LAMA2: variants seen among roughly 807,000 people sequenced by gnomAD.
LAMA2 encodes the protein laminin subunit alpha-2.
Under a neutral mutation model 364.8 loss-of-function variants are expected in LAMA2, and 269 were observed. The ratio of observed to expected loss-of-function variants is 0.74; its 90% CI spans 0.67 to 0.82. The LOEUF is 0.82. LAMA2 is among the 40% of genes least tolerant of loss of function. LAMA2 has a pLI of 0.00. For missense variants in LAMA2, 3,807 were observed against 3,873.2 expected, an observed-to-expected ratio of 0.98 and a Z score of 0.45; for synonymous variants, 1,379 against 1,370.6, an observed-to-expected ratio of 1.01 and a Z score of -0.14.
chr6:129,154,072 T>C (rs1165125558), intron 7 of LAMA2, among the ~76,000 whole-genome samples: 1 of 152,184 alleles, frequency 6.6e-6, no homozygotes, highest in East Asian at 1.9e-4. Flanking sequence ...CCAGATACTT[T>C]CTGGATATGT....
chr6:129,502,207 C>A lies in LAMA2; in HGVS notation c.8245-452C>A, dbSNP rs539062953. Among the ~76,000 whole-genome samples, 176 of 152,136 alleles carry A rather than the reference C, an allele frequency of 1.2e-3. 1 individual carries two copies. Among genetic ancestry groups the A allele is most frequent in the African/African-American group, 4.0e-3 (167 of 41,500 alleles). ...AACCTTCTAGTGGACTGATAATTTT[C>A]AAGAAAAAGTAATATAGTGGGAGAT... On this transcript the variant is annotated intron_variant, in intron 58 of 64. Coordinates refer to ENST00000421865, the MANE Select transcript of LAMA2 (RefSeq NM_000426.4).
chr6:129,253,534 G>T (rs2114292583), intron 14 of LAMA2, among the ~76,000 whole-genome samples: 1 of 152,340 alleles, frequency 6.6e-6, no homozygotes, highest in Non-Finnish European at 1.5e-5. Flanking sequence ...TCTTCTAGAA[G>T]CTGGGTTAAA....
chr6:128,914,766 C>A (rs899347584), intron 1 of LAMA2, among the ~76,000 whole-genome samples: 1 of 152,006 alleles, frequency 6.6e-6, no homozygotes, highest in Non-Finnish European at 1.5e-5. Context: ...GTGAAGATAG[C>A]AAATCTTCTA....
At chr6:129,475,091 C>G (rs1784001254) in intron 52 of LAMA2, among the ~76,000 whole-genome samples, 2 of 152,072 alleles carry the variant, frequency 1.3e-5, no homozygotes, top group Non-Finnish European at 2.9e-5. Flanking sequence ...TGACATTGTA[C>G]ATTTTCCCAT....
rs1353026343 is a variant in LAMA2 at position 128,966,116 on chromosome 6, A to G, written c.112+82759A>G. On this transcript the variant is annotated intron_variant, in intron 1 of 64. Coordinates refer to ENST00000421865, the MANE Select transcript of LAMA2 (RefSeq NM_000426.4). ...AAATTGTTTTGAATACATTTTTAAT[A>G]TTTAAATAGTCACAGATCAAAACTA... 3.3e-5 allele frequency among the ~76,000 whole-genome samples: 5 copies of G among 151,146 alleles called. No individual in the cohort carries two copies. In the Admixed American group the frequency reaches 3.3e-4, roughly 10 times the overall value.
At chr6:128,946,149 A>G (rs953628549) in intron 1 of LAMA2, among the ~76,000 whole-genome samples, 2 of 152,346 alleles carry the variant, frequency 1.3e-5, no homozygotes, top group African/African-American at 2.4e-5. Flanking sequence ...CTGATTATCA[A>G]TGAATGTTGT....
chr6:129,158,709 A>C, intron 8 of LAMA2: 2 of 1,614,188 alleles, frequency 1.2e-6, no homozygotes, highest in African/African-American at 1.3e-5. Context: ...AACAGGGGGC[A>C]TGTGGGTTGC....
intron 29 of LAMA2, among the ~76,000 whole-genome samples, chr6:129,334,446 G>T (rs1217593244): frequency 6.6e-6 from 1 of 152,006 alleles, no homozygotes; most frequent in Non-Finnish European, 1.5e-5. Flanking sequence ...TTAGTGCATG[G>T]TACGCTTCAT....
chr6:129,507,659 TC>T lies in LAMA2; in HGVS notation c.8857+19del. On this transcript the variant is annotated intron_variant, in intron 62 of 64. Transcript: ENST00000421865. Reference sequence around the variant, plus strand: ...CCAAAGCAGGTAAGGCTCTTTCATTTCCTTCCTGTTGATTATTAACTAGATA... The same window carrying T: ...CCAAAGCAGGTAAGGCTCTTTCATTTCTTCCTGTTGATTATTAACTAGATA... 1.2e-6 allele frequency: 2 copies of T among 1,613,108 alleles called. No individual in the cohort carries two copies. The highest frequency in any genetic ancestry group is 1.1e-5 in the South Asian group (1 of 91,072).
Position 129,302,469 on chromosome 6 carries a change from C to T in LAMA2, c.3174+1597C>T, listed in dbSNP as rs533312505. 2.0e-5 allele frequency among the ~76,000 whole-genome samples: 3 copies of T among 152,088 alleles called. No homozygotes were observed. The South Asian group carries it at 6.2e-4, about 32-fold the overall frequency. ...ATATAGATTGCTTTTTACCTAGTTT[C>T]ATCATCTAATCTTTATAAACACTAG... On this transcript the variant is annotated intron_variant, in intron 22 of 64. Coordinates refer to ENST00000421865, the MANE Select transcript of LAMA2 (RefSeq NM_000426.4).
chr6:129,501,964 A>G (rs1472233532), intron 58 of LAMA2, among the ~76,000 whole-genome samples: 1 of 152,210 alleles, frequency 6.6e-6, no homozygotes, highest in African/African-American at 2.4e-5. Context: ...GAATTTCAAG[A>G]TGGTGACAGC....
chr6:129,380,057 T>C (rs966946365), intron 34 of LAMA2, among the ~76,000 whole-genome samples: 9 of 152,164 alleles, frequency 5.9e-5, no homozygotes, highest in African/African-American at 1.7e-4. Flanking sequence ...AATGGAGATA[T>C]GGCAAAGCAC....
rs191362341 is a variant in LAMA2, at chr6:129,212,601, A to G, written c.1782+19748A>G. Among the ~76,000 whole-genome samples the G allele has an allele frequency of 2.5e-3, 386 of 152,020 alleles. 2 individuals carry two copies. The highest frequency in any genetic ancestry group is 9.2e-3 in the African/African-American group (380 of 41,462). On this transcript the variant is annotated intron_variant, in intron 12 of 64. Transcript: ENST00000421865. ...TGACTTCCACTGCAGATCTCTTACC[A>G]TTTTTCTATGAGAGTCATAAAAAAA...
chr6:129,186,749 C>T (rs1781251210), intron 10 of LAMA2, among the ~76,000 whole-genome samples: 1 of 151,748 alleles, frequency 6.6e-6, no homozygotes, highest in Non-Finnish European at 1.5e-5. Flanking sequence ...TGATTTTCTT[C>T]CACCTTGTAA....
chr6:129,283,945 C>T (rs1488997170), intron 18 of LAMA2, among the ~76,000 whole-genome samples: 1 of 152,000 alleles, frequency 6.6e-6, no homozygotes, highest in Non-Finnish European at 1.5e-5. Context: ...CAAGAGGCCA[C>T]TCATATGTGG....
At chr6:128,962,078 C>T (rs1307280269) in intron 1 of LAMA2, among the ~76,000 whole-genome samples, 1 of 142,144 alleles carries the variant, frequency 7.0e-6, no homozygotes, top group African/African-American at 2.7e-5. Context: ...TCACTCCATC[C>T]ACTTTCCTTC....
intron 4 of LAMA2, among the ~76,000 whole-genome samples, chr6:129,130,076 G>A (rs1455512241): frequency 6.6e-6 from 1 of 152,160 alleles, no homozygotes; most frequent in Non-Finnish European, 1.5e-5. Flanking sequence ...TCCAGTGAAA[G>A]AGCTTAATTA....
intron 51 of LAMA2, among the ~76,000 whole-genome samples, chr6:129,466,386 G>A (rs1002903863): frequency 1.3e-4 from 20 of 151,962 alleles, no homozygotes; most frequent in African/African-American, 4.8e-4. Context: ...TGAAAAGCAT[G>A]TATGGACATT....
At chr6:129,076,370 A>G (rs1484611303) in intron 3 of LAMA2, among the ~76,000 whole-genome samples, 1 of 148,752 alleles carries the variant, frequency 6.7e-6, no homozygotes, top group Non-Finnish European at 1.5e-5. Flanking sequence ...AGGTCTTGGA[A>G]ATACCTAAAC....
Sources: allele counts gnomAD v4.1 joint callset (sites outside exome capture counted in the v4.1 genomes callset), GRCh38; gene constraint gnomAD v4.1.1; transcripts MANE v1.5; gene names NCBI Gene and HGNC (gene_info 2026-07-23, HGNC 2026-07-21).